The following HS3ST5 variants were observed in gnomAD, a reference collection of about 807,000 sequenced individuals.
HS3ST5 encodes heparan sulfate-glucosamine 3-sulfotransferase 5, also known as heparan sulfate glucosamine 3-O-sulfotransferase 5.
A neutral mutation model predicts 25.4 loss-of-function variants in HS3ST5; 10 were observed. The observed-to-expected ratio is 0.39, with a 90% CI of 0.24 to 0.67. The LOEUF (loss-of-function observed/expected upper bound fraction) is 0.67, where lower values mean the gene tolerates loss of function less well. Ranked by LOEUF, HS3ST5 falls within the 30% of genes least tolerant of loss-of-function variation. HS3ST5 has a pLI of 0.44. For missense variants in HS3ST5, 324 were observed against 420.7 expected (o/e 0.77, Z 2.01); for synonymous variants, 170 against 162.4 (o/e 1.05, Z -0.36).
chr6:114,174,987 CA>C (rs1308936059), intron 2 of HS3ST5, among the ~76,000 whole-genome samples: 2 of 150,610 alleles, frequency 1.3e-5, no homozygotes, highest in African/African-American at 4.9e-5. Context: ...GCGAGACTGT[CA>C]AAAAAAGAAA....
chr6:114,139,980 A>G (rs973923620), intron 3 of HS3ST5, among the ~76,000 whole-genome samples: 50 of 152,244 alleles, frequency 3.3e-4, no homozygotes, highest in African/African-American at 7.2e-5. Context: ...GTTCTTTTCA[A>G]TGAGGGAAAT....
At chr6:114,096,772 T>A (rs895670303) in intron 3 of HS3ST5, among the ~76,000 whole-genome samples, 12 of 152,094 alleles carry the variant, frequency 7.9e-5, no homozygotes, top group Non-Finnish European at 1.6e-4. Flanking sequence ...CTCTCTAATA[T>A]TCCATAGGTG....
At chr6:114,177,000 A>G (rs1779753340) in intron 2 of HS3ST5, among the ~76,000 whole-genome samples, 1 of 152,138 alleles carries the variant, frequency 6.6e-6, no homozygotes, top group Admixed American at 6.6e-5. Flanking sequence ...TGCAACCTGC[A>G]TTTCCTTCAC....
intron 3 of HS3ST5, among the ~76,000 whole-genome samples, chr6:114,141,891 T>C (rs945614102): frequency 1.3e-5 from 2 of 150,812 alleles, no homozygotes; most frequent in African/African-American, 4.9e-5. Flanking sequence ...TGTGTGTGTG[T>C]GTGTGTGTGT....
chr6:114,157,844 C>T (rs1778771776), intron 3 of HS3ST5, among the ~76,000 whole-genome samples: 1 of 152,154 alleles, frequency 6.6e-6, no homozygotes, highest in African/African-American at 2.4e-5. Context: ...CCCTTCCTTT[C>T]TGACACTTTT....
intron 3 of HS3ST5, among the ~76,000 whole-genome samples, chr6:114,164,142 G>GA (rs1030481413): frequency 2.4e-3 from 34 of 14,398 alleles, no homozygotes; most frequent in Admixed American, 3.8e-3. Flanking sequence ...AAATATGTAG[G>GA]ATTTTTTTTG....
chr6:114,207,600 C>T (rs765223403), intron 2 of HS3ST5, among the ~76,000 whole-genome samples: 1 of 152,070 alleles, frequency 6.6e-6, no homozygotes, highest in Non-Finnish European at 1.5e-5. Flanking sequence ...TTATCCTGCT[C>T]TATAACTCAG....
chr6:114,243,580 C>T (rs9374446), intron 1 of HS3ST5, among the ~76,000 whole-genome samples: 6,978 of 152,284 alleles, frequency 0.046, 180 homozygotes, highest in Middle Eastern at 0.075. Context: ...CAAGCAAGTG[C>T]TGGATTTGTT....
chr6:114,110,221 T>TTG (rs1776199629), intron 3 of HS3ST5, among the ~76,000 whole-genome samples: 1 of 152,144 alleles, frequency 6.6e-6, no homozygotes, highest in African/African-American at 2.4e-5. Context: ...ATTAAAATTG[T>TTG]TGTTGTTGAT....
chr6:114,119,779 G>C (rs73767005), intron 3 of HS3ST5, among the ~76,000 whole-genome samples: 5 of 152,172 alleles, frequency 3.3e-5, no homozygotes, highest in African/African-American at 1.2e-4. Context: ...AATGTTTATC[G>C]AGTAACTACT....
intron 3 of HS3ST5, among the ~76,000 whole-genome samples, chr6:114,075,268 T>G (rs1027255548): frequency 6.6e-6 from 1 of 152,212 alleles, no homozygotes. Flanking sequence ...TTCTCTTAGA[T>G]TGGCAGTGAA....
intron 3 of HS3ST5, among the ~76,000 whole-genome samples, chr6:114,156,893 C>T (rs1321621521): frequency 6.6e-6 from 1 of 152,180 alleles, no homozygotes; most frequent in Non-Finnish European, 1.5e-5. Flanking sequence ...TTTCTCCTCT[C>T]ACTCCAAGCT....
At chr6:114,334,225 C>T (rs1776518231) in intron 1 of HS3ST5, among the ~76,000 whole-genome samples, 1 of 152,260 alleles carries the variant, frequency 6.6e-6, no homozygotes, top group South Asian at 2.1e-4. Flanking sequence ...TTCAAGGGTG[C>T]GAGGGGACCT....
chr6:114,063,237 G>A (rs1218439144), intron 3 of HS3ST5, among the ~76,000 whole-genome samples: 12 of 152,082 alleles, frequency 7.9e-5, no homozygotes, highest in South Asian at 4.1e-4. Context: ...CAACTTGGCC[G>A]GGTACGGTGG....
intron 2 of HS3ST5, among the ~76,000 whole-genome samples, chr6:114,201,440 C>T (rs1397164832): frequency 1.3e-5 from 2 of 152,092 alleles, no homozygotes; most frequent in Non-Finnish European, 2.9e-5. Context: ...ACCATTGGTC[C>T]CTCTCTTGTC....
chr6:114,196,500 C>T (rs1780762493), intron 2 of HS3ST5, among the ~76,000 whole-genome samples: 2 of 152,034 alleles, frequency 1.3e-5, no homozygotes, highest in Non-Finnish European at 2.9e-5. Flanking sequence ...TTTGTGTTTA[C>T]TCTTTGAAAG....
intron 3 of HS3ST5, among the ~76,000 whole-genome samples, chr6:114,081,155 G>T (rs1304660058): frequency 6.6e-6 from 1 of 152,158 alleles, no homozygotes; most frequent in Non-Finnish European, 1.5e-5. Flanking sequence ...TTATGTGGGT[G>T]TAGTTTATGG....
At chr6:114,104,807 T>G (rs961295166) in intron 3 of HS3ST5, among the ~76,000 whole-genome samples, 5 of 152,320 alleles carry the variant, frequency 3.3e-5, no homozygotes, top group Admixed American at 3.3e-4. Context: ...TGTAGCGTTG[T>G]GTATCATTTT....
At chr6:114,290,163 G>A (rs542450861) in intron 1 of HS3ST5, among the ~76,000 whole-genome samples, 33 of 152,188 alleles carry the variant, frequency 2.2e-4, no homozygotes, top group African/African-American at 7.2e-4. Flanking sequence ...TGTGGTTGTT[G>A]TTGTTTCTAT....
Sources: allele counts gnomAD v4.1 joint callset (sites outside exome capture counted in the v4.1 genomes callset), GRCh38; gene constraint gnomAD v4.1.1; transcripts MANE v1.5; gene names NCBI Gene and HGNC (gene_info 2026-07-23, HGNC 2026-07-21).